The following CCDC85C variants were observed in gnomAD, a reference collection of about 807,000 sequenced individuals.
CCDC85C encodes the protein coiled-coil domain containing 85C.
A neutral mutation model predicts 38.3 loss-of-function variants in CCDC85C; 18 were observed. The observed-to-expected ratio is 0.47, with a 90% CI of 0.33 to 0.70. The LOEUF is 0.70. Ranked by LOEUF, CCDC85C falls within the 30% of genes least tolerant of loss-of-function variation. CCDC85C has a pLI of 0.03. For missense variants in CCDC85C, 566 were observed against 621.2 expected (o/e 0.91, Z 0.94); for synonymous variants, 264 against 293.8 (o/e 0.90, Z 1.04).
rs1273559722 is a variant in CCDC85C, at chr14:99,503,728, G to T, written c.*11518C>A. On this transcript the variant is annotated 3_prime_UTR_variant, in exon 6 of 6. Transcript: ENST00000380243. ...TCTTAGCCAACATTGTTTCTTTTCA[G>T]ATCTAAATTGGCCTTAAATCTTAAC... 1.6e-6 allele frequency: 2 copies of T among 1,216,764 alleles called. No individual in the cohort carries two copies. Among genetic ancestry groups the T allele is most frequent in the African/African-American group, 1.5e-5 (1 of 65,104 alleles). 75.4% of individuals were successfully genotyped at this position (1,216,764 alleles called of 1,614,324 possible).
intron 2 of CCDC85C, among the ~76,000 whole-genome samples, chr14:99,531,589 G>C (rs994095197): frequency 2.3e-5 from 3 of 128,064 alleles, no homozygotes; most frequent in Non-Finnish European, 3.3e-5. Flanking sequence ...TGGGTGGGGG[G>C]GGGGGTGGGA....
At position 99,526,512 on chromosome 14, in the gene CCDC85C, C is replaced by T. The variant is rs563978354; in HGVS notation, c.868-4272G>A. Among the ~76,000 whole-genome samples, 15 of 152,310 alleles carry T rather than the reference C, an allele frequency of 9.8e-5. No individual in the cohort carries two copies. In the South Asian group the frequency reaches 1.4e-3, roughly 15 times the overall value. On this transcript the variant is annotated intron_variant, in intron 2 of 5. Coordinates refer to ENST00000380243, the MANE Select transcript of CCDC85C (RefSeq NM_001144995.2). ...AGATAAGCCATCATCCCAGGGGCTA[C>T]GGAGGCGAGAGGTGAGACCCAGGGA...
At position 99,516,347 on chromosome 14, in the gene CCDC85C, C is replaced by A. The variant is rs1458257776; in HGVS notation, c.1072-61G>T. 17 of 1,234,136 alleles carry A rather than the reference C, an allele frequency of 1.4e-5. No homozygotes were observed. The highest frequency in any genetic ancestry group is 1.9e-5 in the Non-Finnish European group (16 of 861,338). The allele number at this position is 1,234,136 out of a possible 1,614,324, so 76.4% of individuals were successfully genotyped here. A position where few individuals can be genotyped will look rare whatever the true frequency, so the allele number is the denominator to read the frequency against. ...CCACCGGCAGACCTCGGGCAAGTCA[C>A]CTGGCCCCTGATCCTCAGCCTCCCC... On this transcript the variant is annotated intron_variant, in intron 4 of 5. Coordinates refer to ENST00000380243, the MANE Select transcript of CCDC85C (RefSeq NM_001144995.2). This position sits in a 1 kb window ranked among gnomAD's most constrained non-coding sequence, Gnocchi z 5.5.
In CCDC85C at chr14:99,566,613, C is replaced by A. The variant is rs77640120; in HGVS notation, c.794-30525G>T. 8.7e-3 allele frequency among the ~76,000 whole-genome samples: 1,330 copies of A among 152,292 alleles called. 20 individuals are homozygous for A. The highest frequency in any genetic ancestry group is 0.03 in the African/African-American group (1,229 of 41,542). Reference sequence around the variant, plus strand: ...CCTGCCTGGCCCCATGAACTCTGCACCCATTTACATCAGGACAGCCTCATG... The same window carrying A: ...CCTGCCTGGCCCCATGAACTCTGCAACCATTTACATCAGGACAGCCTCATG... On this transcript the variant is annotated intron_variant, in intron 1 of 5. Transcript: ENST00000380243.
chr14:99,602,997 C>T (rs1320686625), intron 1 of CCDC85C, among the ~76,000 whole-genome samples, 170 bp downstream of exon 1: 1 of 152,206 alleles, frequency 6.6e-6, no homozygotes, highest in African/African-American at 2.4e-5. Context: ...CGCCCAAAGC[C>T]CCACTTTGGG....
At chr14:99,587,705 C>T (rs1395503474) in intron 1 of CCDC85C, among the ~76,000 whole-genome samples, 1 of 152,180 alleles carries the variant, frequency 6.6e-6, no homozygotes, top group African/African-American at 2.4e-5. Flanking sequence ...AGGAGGCAGG[C>T]CGGCCAAGCA....
At chr14:99,591,734 C>CTTT (rs66657278) in intron 1 of CCDC85C, among the ~76,000 whole-genome samples, 3 of 130,436 alleles carry the variant, frequency 2.3e-5, no homozygotes, top group South Asian at 4.9e-4. Flanking sequence ...GGTTTCTTTT[C>CTTT]TTTTTTTTTT....
intron 3 of CCDC85C, among the ~76,000 whole-genome samples, chr14:99,521,666 C>G (rs1897304750): frequency 6.6e-6 from 1 of 152,206 alleles, no homozygotes; most frequent in African/African-American, 2.4e-5. Context: ...AGGGCACAGT[C>G]CTGAGCTAGG....
intron 1 of CCDC85C, among the ~76,000 whole-genome samples, chr14:99,557,399 T>C (rs980254745): frequency 6.6e-6 from 1 of 152,226 alleles, no homozygotes; most frequent in African/African-American, 2.4e-5. Context: ...TGCTGGTCCC[T>C]TGGCCACTGC....
intron 1 of CCDC85C, among the ~76,000 whole-genome samples, chr14:99,536,566 C>T (rs1026293822): frequency 2.0e-5 from 3 of 152,340 alleles, no homozygotes; most frequent in Admixed American, 2.0e-4. Context: ...GAAACAGACT[C>T]CTGAACTTGC....
Position 99,531,698 on chromosome 14 carries a change from C to T in CCDC85C, c.867+4317G>A, listed in dbSNP as rs564781076. ...TTCCAGAGAAGAGCATTCCTCTCTC[C>T]TGCTTTTCACCAACAGGAAGAGTCC... On this transcript the variant is annotated intron_variant, in intron 2 of 5. Transcript: ENST00000380243. Among the ~76,000 whole-genome samples the T allele has an allele frequency of 4.6e-5, 7 of 151,630 alleles. No individual in the cohort carries two copies. In the South Asian group the frequency reaches 1.5e-3, roughly 32 times the overall value.
At position 99,510,479 on chromosome 14, in the gene CCDC85C, C is replaced by G. The variant is rs773061731; in HGVS notation, c.*4767G>C. 7.7e-7 allele frequency: 1 copy of G among 1,302,892 alleles called. No individual in the cohort carries two copies. Among genetic ancestry groups the G allele is most frequent in the East Asian group, 2.8e-5 (1 of 35,244 alleles). The allele number at this position is 1,302,892 out of a possible 1,614,324, so 80.7% of individuals were successfully genotyped here. ...CCTACCACCCCCATGTCTACCCGCC[C>G]AACCCGCCCCCGCCACCTGTGCCTC... On this transcript the variant is annotated 3_prime_UTR_variant, in exon 6 of 6. Coordinates refer to ENST00000380243, the MANE Select transcript of CCDC85C (RefSeq NM_001144995.2).
At position 99,511,776 on chromosome 14, in the gene CCDC85C, A is replaced by AACTT. The variant is rs1340635774; in HGVS notation, c.*3466_*3469dup. 6.6e-6 allele frequency: 1 copy of AACTT among 152,616 alleles called. No individual in the cohort carries two copies. Among genetic ancestry groups the AACTT allele is most frequent in the African/African-American group, 2.4e-5 (1 of 41,436 alleles). 9.5% of individuals were successfully genotyped at this position (152,616 alleles called of 1,614,324 possible). On this transcript the variant is annotated 3_prime_UTR_variant, in exon 6 of 6. Transcript: ENST00000380243. ...CTGGTTGAGTTCCAAACCAGTTTGA[A>AACTT]ACTTTGAAGCCTTGCTGCGTAGAAC...
rs1396619746 is a variant in CCDC85C, at chr14:99,515,305, T to C, written c.1201A>G (p.Ser401Gly). 6.4e-7 allele frequency: 1 copy of C among 1,550,700 alleles called. No individual in the cohort carries two copies. The highest frequency in any genetic ancestry group is 1.4e-5 in the African/African-American group (1 of 73,052). Residue 401 changes from serine to glycine, a missense_variant, in exon 6 of 6, where the codon AGC becomes GGC. Physicochemically the swap from Ser to Gly is moderately conservative, Grantham distance 56. Around this residue, in one of 3 missense-constraint regions of CCDC85C, gnomAD observed 286 missense variants for 276.4 expected, o/e 1.03. Coordinates refer to ENST00000380243, the MANE Select transcript of CCDC85C (RefSeq NM_001144995.2). The stretch of plus-strand genomic sequence containing the variant: ...TGCTGCCGTATGGAGGGCTTGGAGC[T>C]GGCTGCATCTCCCAGCTTTCTCCAG... ...VVWRKLGDAA[S>G]SKPSIRQHLS... is the part of the protein sequence containing the mutation.
Position 99,510,955 on chromosome 14 carries a change from G to A in CCDC85C, c.*4291C>T, listed in dbSNP as rs565536102. The stretch of plus-strand genomic sequence containing the variant: ...AGAGTGGTCCTCACACCTAGAGGAC[G>A]GGGACAACCAGCTTTCAGAGTAGCC... On this transcript the variant is annotated 3_prime_UTR_variant, in exon 6 of 6. Coordinates refer to ENST00000380243, the MANE Select transcript of CCDC85C (RefSeq NM_001144995.2). 9 of 484,682 alleles carry A rather than the reference G, an allele frequency of 1.9e-5. No homozygotes were observed. The highest frequency in any genetic ancestry group is 1.4e-4 in the East Asian group (4 of 28,018). 30.0% of individuals were successfully genotyped at this position (484,682 alleles called of 1,614,324 possible).
At chr14:99,596,078 T>C (rs919428499) in intron 1 of CCDC85C, among the ~76,000 whole-genome samples, 9 of 152,076 alleles carry the variant, frequency 5.9e-5, no homozygotes, top group African/African-American at 2.2e-4. Flanking sequence ...GGCCCTGGGG[T>C]GGGCCCCTGT....
intron 2 of CCDC85C, among the ~76,000 whole-genome samples, chr14:99,529,732 C>G (rs1472341262): frequency 6.6e-6 from 1 of 152,242 alleles, no homozygotes; most frequent in Admixed American, 6.5e-5. Context: ...AAACCAAATC[C>G]TACCTTGGCT....
At chr14:99,589,340 G>C (rs1164087378) in intron 1 of CCDC85C, among the ~76,000 whole-genome samples, 9 of 152,180 alleles carry the variant, frequency 5.9e-5, no homozygotes, top group Non-Finnish European at 2.9e-5. Context: ...AACGCTGTTG[G>C]ATTTTACTCG....
At position 99,503,522 on chromosome 14, in the gene CCDC85C, C is replaced by T. The variant is rs913461835; in HGVS notation, c.*11724G>A. ...CGAGGCTGTTCACAGTGACTGCCGT[C>T]GCTGATTCTGGTGGTACCTGGATAA... On this transcript the variant is annotated 3_prime_UTR_variant, in exon 6 of 6. Transcript: ENST00000380243. 6.1e-6 allele frequency: 7 copies of T among 1,151,708 alleles called. No homozygotes were observed. The African/African-American group carries it at 7.8e-5, about 13-fold the overall frequency. The allele number at this position is 1,151,708 out of a possible 1,614,324, so 71.3% of individuals were successfully genotyped here.
Sources: allele counts gnomAD v4.1 joint callset (sites outside exome capture counted in the v4.1 genomes callset), GRCh38; gene constraint gnomAD v4.1.1; regional missense constraint gnomAD v4.1.1; non-coding constraint Gnocchi (gnomAD v3.1); transcripts MANE v1.5; gene names NCBI Gene and HGNC (gene_info 2026-07-23, HGNC 2026-07-21).